The following GUCY1A2 variants were observed in gnomAD, a reference collection of about 807,000 sequenced individuals.
The protein encoded by GUCY1A2 is guanylate cyclase 1 soluble subunit alpha 2, also known as guanylate cyclase soluble subunit alpha-2.
Under a neutral mutation model 63.5 loss-of-function variants are expected in GUCY1A2, and 27 were observed. That is an observed-to-expected ratio of 0.43 (90% CI 0.31 to 0.59). GUCY1A2 has a LOEUF of 0.59. GUCY1A2 is among the 20% of genes least tolerant of loss of function. GUCY1A2 has a pLI of 0.11. For synonymous variants in GUCY1A2, 364 were observed against 343.5 expected (o/e 1.06, Z -0.66); for missense variants, 768 against 913.3 (o/e 0.84, Z 2.05).
intron 4 of GUCY1A2, among the ~76,000 whole-genome samples, chr11:106,933,413 G>A (rs1860631027): frequency 6.6e-6 from 1 of 151,874 alleles, no homozygotes; most frequent in South Asian, 2.1e-4. Context: ...CTCACACCAG[G>A]CAGAATGGGT....
intron 6 of GUCY1A2, among the ~76,000 whole-genome samples, chr11:106,747,049 G>A (rs1486149704): frequency 2.0e-5 from 3 of 152,110 alleles, no homozygotes; most frequent in African/African-American, 4.8e-5. Context: ...GTACAGTGGC[G>A]CAATCTTGGC....
chr11:106,907,316 A>G (rs769239700), intron 4 of GUCY1A2, among the ~76,000 whole-genome samples: 12 of 151,752 alleles, frequency 7.9e-5, no homozygotes, highest in Non-Finnish European at 1.5e-4. Context: ...GTATTAGGAG[A>G]TATTTTTCTC....
At position 106,708,650 on chromosome 11, in the gene GUCY1A2, T is replaced by G; in HGVS notation, c.1853A>C (p.His618Pro). ...GRPIQMRIGIHSGSVLAGVVG... is the reference protein window; with the variant it reads ...GRPIQMRIGIPSGSVLAGVVG... Reference sequence around the variant, plus strand: ...AACTCCAGCCAGCACGGAGCCTGAGTGAATTCCTATCCTCATCTAAAGAAG... The same window carrying G: ...AACTCCAGCCAGCACGGAGCCTGAGGGAATTCCTATCCTCATCTAAAGAAG... Residue 618 changes from histidine to proline, a missense_variant, in exon 7 of 8, where the codon CAC (histidine) becomes CCC (proline). Transcript: ENST00000526355. The G allele has an allele frequency of 6.2e-7, 1 of 1,604,936 alleles. No individual in the cohort carries two copies. The highest frequency in any genetic ancestry group is 8.5e-7 in the Non-Finnish European group (1 of 1,174,662).
At chr11:106,803,566 T>C (rs958426456) in intron 5 of GUCY1A2, among the ~76,000 whole-genome samples, 4 of 152,080 alleles carry the variant, frequency 2.6e-5, no homozygotes, top group African/African-American at 9.7e-5. Flanking sequence ...GCTTCCCATA[T>C]AGGACCAGAT....
intron 4 of GUCY1A2, among the ~76,000 whole-genome samples, chr11:106,891,676 T>C (rs1859976671): frequency 6.6e-6 from 1 of 152,122 alleles, no homozygotes; most frequent in Non-Finnish European, 1.5e-5. Context: ...AAAGGTCTTC[T>C]ATTCTTTATT....
At chr11:106,756,125 C>T (rs1863969739) in intron 6 of GUCY1A2, among the ~76,000 whole-genome samples, 1 of 152,116 alleles carries the variant, frequency 6.6e-6, no homozygotes, top group Admixed American at 6.5e-5. Flanking sequence ...CTCTTTTGAT[C>T]TTTGTTGGTT....
intron 6 of GUCY1A2, among the ~76,000 whole-genome samples, chr11:106,737,302 A>T (rs909438910): frequency 6.6e-6 from 1 of 152,100 alleles, no homozygotes; most frequent in Non-Finnish European, 1.5e-5. Context: ...TTTAGATAGT[A>T]TATCCACTTT....
chr11:107,001,416 C>A (rs1187703375), intron 1 of GUCY1A2, among the ~76,000 whole-genome samples: 1 of 152,012 alleles, frequency 6.6e-6, no homozygotes, highest in Non-Finnish European at 1.5e-5. Context: ...AAGGAAAATA[C>A]ATTTTTTTTA....
intron 6 of GUCY1A2, among the ~76,000 whole-genome samples, chr11:106,717,718 A>G (rs190937831): frequency 2.4e-4 from 37 of 152,330 alleles, no homozygotes; most frequent in African/African-American, 7.2e-4. Context: ...GCTTAAAATC[A>G]TTGTGCACAT....
At chr11:106,693,964 A>G (rs1397853796) in intron 7 of GUCY1A2, among the ~76,000 whole-genome samples, 1 of 152,190 alleles carries the variant, frequency 6.6e-6, no homozygotes, top group Non-Finnish European at 1.5e-5. Context: ...GCATTCAACA[A>G]ATTACTAATG....
At chr11:106,867,960 C>T (rs1057472584) in intron 4 of GUCY1A2, among the ~76,000 whole-genome samples, 2 of 151,912 alleles carry the variant, frequency 1.3e-5, no homozygotes, top group African/African-American at 4.8e-5. Context: ...ATTGCCTCTC[C>T]CACCTTAAAT....
At chr11:106,757,485 G>C (rs1863994874) in intron 6 of GUCY1A2, among the ~76,000 whole-genome samples, 1 of 152,156 alleles carries the variant, frequency 6.6e-6, no homozygotes, top group Non-Finnish European at 1.5e-5. Flanking sequence ...CGTCTTTGTG[G>C]ATTTATCTAC....
chr11:106,824,670 T>A (rs182029719), intron 4 of GUCY1A2: 1 of 869,930 alleles, frequency 1.1e-6, no homozygotes, highest in Middle Eastern at 3.6e-4. Flanking sequence ...AATTTGTAGA[T>A]AAAAAACTAG....
intron 6 of GUCY1A2, among the ~76,000 whole-genome samples, chr11:106,761,078 T>C (rs954291879): frequency 5.3e-5 from 8 of 152,174 alleles, no homozygotes; most frequent in African/African-American, 7.2e-5. Context: ...TGATGAACAA[T>C]TGCCAGAAAA....
Position 106,931,350 on chromosome 11 carries a change from C to T in GUCY1A2, c.1206+8110G>A, listed in dbSNP as rs150269057. Among the ~76,000 whole-genome samples, 602 of 152,180 alleles carry T rather than the reference C, an allele frequency of 4.0e-3. 7 individuals are homozygous for T. The highest frequency in any genetic ancestry group is 0.014 in the African/African-American group (586 of 41,532). On this transcript the variant is annotated intron_variant, in intron 4 of 7. Coordinates refer to ENST00000526355, the MANE Select transcript of GUCY1A2 (RefSeq NM_000855.3). ...TTAGGAAGGCTATGATGAAAAAGAC[C>T]GACAATACCAGGTGTGAGTGTAAAA...
intron 6 of GUCY1A2, among the ~76,000 whole-genome samples, chr11:106,774,290 C>A (rs1864315535): frequency 6.6e-6 from 1 of 152,042 alleles, no homozygotes; most frequent in Non-Finnish European, 1.5e-5. Flanking sequence ...CGCCACCACA[C>A]CTGGCTAATT....
chr11:106,797,734 A>G (rs1170589953), intron 5 of GUCY1A2, among the ~76,000 whole-genome samples: 2 of 152,216 alleles, frequency 1.3e-5, no homozygotes, highest in Non-Finnish European at 2.9e-5. Flanking sequence ...ACAAAGACAC[A>G]ACAAACCAGC....
intron 4 of GUCY1A2, among the ~76,000 whole-genome samples, chr11:106,889,515 G>A (rs1591315502): frequency 6.6e-6 from 1 of 152,222 alleles, no homozygotes; most frequent in East Asian, 1.9e-4. Flanking sequence ...TCCACAGCAA[G>A]GAAAAATCCA....
At chr11:106,809,164 A>C (rs1008108039) in intron 5 of GUCY1A2, among the ~76,000 whole-genome samples, 1 of 152,232 alleles carries the variant, frequency 6.6e-6, no homozygotes, top group South Asian at 2.1e-4. Context: ...AAAAATAAGT[A>C]GCTGGTCAAT....
Sources: allele counts gnomAD v4.1 joint callset (sites outside exome capture counted in the v4.1 genomes callset), GRCh38; gene constraint gnomAD v4.1.1; transcripts MANE v1.5; gene names NCBI Gene and HGNC (gene_info 2026-07-23, HGNC 2026-07-21).